The following ADGRL2 variants were observed in gnomAD, a reference collection of about 807,000 sequenced individuals.
The protein encoded by ADGRL2 is calcium-independent alpha-latrotoxin receptor 2.
A neutral mutation model predicts 157.4 loss-of-function variants in ADGRL2; 44 were observed. The ratio of observed to expected loss-of-function variants is 0.28; its 90% CI spans 0.22 to 0.36. The LOEUF (loss-of-function observed/expected upper bound fraction) is 0.36. Among genes scored for constraint, ADGRL2 ranks in the 10% least tolerant of loss-of-function variants. The pLI, the probability that ADGRL2 is intolerant of heterozygous loss-of-function variation, is 1.00. For synonymous variants in ADGRL2, 585 were observed against 624.7 expected, an observed-to-expected ratio of 0.94 and a Z score of 0.95; for missense variants, 1,510 against 1,768.9, an observed-to-expected ratio of 0.85 and a Z score of 2.63.
rs78364895 is a variant in ADGRL2 at position 81,442,125 on chromosome 1, T to C, written c.-301-2911T>C. On this transcript the variant is annotated intron_variant, in intron 1 of 24. Transcript: ENST00000370721. The stretch of plus-strand genomic sequence containing the variant: ...CTGGAATTATTCAATATGGGATTCA[T>C]TGAAACTTACATTATGTATCTAAGC... 1.2e-4 allele frequency among the ~76,000 whole-genome samples: 19 copies of C among 152,338 alleles called. No individual in the cohort carries two copies. In the East Asian group the frequency reaches 3.5e-3, roughly 28 times the overall value.
intron 2 of ADGRL2, among the ~76,000 whole-genome samples, chr1:81,876,757 A>G (rs2093851500): frequency 6.6e-6 from 1 of 152,198 alleles, no homozygotes; most frequent in South Asian, 2.1e-4. Flanking sequence ...CAGAATCCAG[A>G]TAACTCAAAT....
intron 3 of ADGRL2, among the ~76,000 whole-genome samples, chr1:81,915,859 T>A (rs2094843955): frequency 6.6e-6 from 1 of 152,168 alleles, no homozygotes; most frequent in Admixed American, 6.5e-5. Context: ...ATGATCTTTT[T>A]ATAGTGCTTT....
At chr1:81,881,739 T>C (rs1265829173) in intron 2 of ADGRL2, among the ~76,000 whole-genome samples, 2 of 152,214 alleles carry the variant, frequency 1.3e-5, no homozygotes. Context: ...TATTTACTTA[T>C]ATATCCTTCC....
chr1:81,344,674 A>AT (rs1273862061), intron 1 of ADGRL2, among the ~76,000 whole-genome samples: 6 of 145,970 alleles, frequency 4.1e-5, no homozygotes, highest in Non-Finnish European at 7.7e-5. Context: ...CTCAAAAAAA[A>AT]AAAAAAAAAA....
chr1:81,491,393 A>T (rs982319643), intron 2 of ADGRL2, among the ~76,000 whole-genome samples: 2 of 152,178 alleles, frequency 1.3e-5, no homozygotes, highest in African/African-American at 4.8e-5. Flanking sequence ...GTTCTTTGTG[A>T]AAATTCATCA....
At chr1:81,724,315 A>G (rs72715736) in intron 1 of ADGRL2, among the ~76,000 whole-genome samples, 15,964 of 152,180 alleles carry the variant, frequency 0.1, 883 homozygotes, top group South Asian at 0.14. Flanking sequence ...ACCTATTGGA[A>G]TTAGAGTTTA....
intron 3 of ADGRL2, among the ~76,000 whole-genome samples, chr1:81,918,666 A>G (rs1029822296): frequency 6.6e-6 from 1 of 152,216 alleles, no homozygotes; most frequent in Non-Finnish European, 1.5e-5. Context: ...ATGCATCACA[A>G]CTATCAGTAG....
chr1:81,443,056 AACT>A (rs1373775329), intron 1 of ADGRL2, among the ~76,000 whole-genome samples: 1 of 152,232 alleles, frequency 6.6e-6, no homozygotes, highest in Non-Finnish European at 1.5e-5. Flanking sequence ...TTCAAGAAAC[AACT>A]AATAACTAAT....
At chr1:81,636,577 C>T (rs1161243183) in intron 3 of ADGRL2, among the ~76,000 whole-genome samples, 1 of 151,924 alleles carries the variant, frequency 6.6e-6, no homozygotes, top group African/African-American at 2.4e-5. Context: ...AAATTTTTAC[C>T]ATGTTCTCGG....
chr1:81,980,689 G>A (rs1372684989), intron 18 of ADGRL2: 6 of 504,862 alleles, frequency 1.2e-5, no homozygotes, highest in African/African-American at 2.0e-5. Context: ...GTTTTAGATA[G>A]GTTAGTGCCA....
chr1:81,611,743 A>G lies in ADGRL2; in HGVS notation c.-143+30763A>G, dbSNP rs115084819. ...AATAAAACACTGTTTCCTAGGCCTT[A>G]CCCTAGACCTGCTGATATGGTTTGG... On this transcript the variant is annotated intron_variant, in intron 3 of 24. Coordinates refer to the ADGRL2 transcript ENST00000370721. 3.3e-3 allele frequency among the ~76,000 whole-genome samples: 498 copies of G among 152,172 alleles called. 3 individuals are homozygous for G. The highest frequency in any genetic ancestry group is 0.012 in the African/African-American group (480 of 41,518).
intron 1 of ADGRL2, among the ~76,000 whole-genome samples, chr1:81,390,001 A>C (rs10874232): frequency 6.6e-6 from 1 of 151,190 alleles, no homozygotes; most frequent in East Asian, 2.0e-4. Flanking sequence ...CTGATAATAC[A>C]GGTTGAGGTA....
intron 11 of ADGRL2, among the ~76,000 whole-genome samples, chr1:81,959,592 G>T (rs1236251416): frequency 6.6e-6 from 1 of 151,978 alleles, no homozygotes; most frequent in African/African-American, 2.4e-5. Flanking sequence ...AAAGCAAATT[G>T]TAAAATCCTA....
intron 1 of ADGRL2, among the ~76,000 whole-genome samples, chr1:81,351,980 GGCAGCAGAGATGTCA>G (rs1481526474): frequency 5.3e-5 from 8 of 152,206 alleles, no homozygotes; most frequent in African/African-American, 1.9e-4. Context: ...GCCAGAGAAT[GGCAGCAGAGATGTCA>G]TACCGGCATA....
chr1:81,981,071 T>G, intron 18 of ADGRL2: 1 of 435,786 alleles, frequency 2.3e-6, no homozygotes, highest in African/African-American at 2.1e-5. Flanking sequence ...TACTTTCTAT[T>G]TTAATTCTGT....
intron 2 of ADGRL2, among the ~76,000 whole-genome samples, chr1:81,904,889 G>T (rs2148253019): frequency 6.6e-6 from 1 of 152,060 alleles, no homozygotes; most frequent in South Asian, 2.1e-4. Context: ...CAGGGGGAAA[G>T]AAAGAGTTAT....
intron 2 of ADGRL2, among the ~76,000 whole-genome samples, chr1:81,532,010 A>C (rs2079611529): frequency 1.3e-5 from 2 of 152,214 alleles, no homozygotes; most frequent in South Asian, 2.1e-4. Flanking sequence ...TGAAGTCTGC[A>C]TCCTAAGCTT....
At chr1:81,494,510 A>T (rs2078693845) in intron 2 of ADGRL2, among the ~76,000 whole-genome samples, 1 of 152,144 alleles carries the variant, frequency 6.6e-6, no homozygotes, top group Non-Finnish European at 1.5e-5. Context: ...AATCTTAAAG[A>T]TCACCTGTGA....
intron 2 of ADGRL2, among the ~76,000 whole-genome samples, chr1:81,871,491 A>T (rs2093693557): frequency 6.6e-6 from 1 of 152,114 alleles, no homozygotes; most frequent in South Asian, 2.1e-4. Flanking sequence ...CTAGTTCTAG[A>T]TCCTTGAGGA....
Sources: gnomAD v4.1 joint callset for allele counts (sites outside exome capture counted in the v4.1 genomes callset) on GRCh38, gnomAD v4.1.1 for gene constraint, MANE v1.5 for transcripts, NCBI Gene and HGNC (gene_info 2026-07-23, HGNC 2026-07-21) for gene names.